The following ASCC3 variants were observed in gnomAD, a reference collection of about 807,000 sequenced individuals.
ASCC3 encodes the protein activating signal cointegrator 1 complex subunit 3, also known as ASC-1 complex subunit P200.
ASCC3 carries 158 observed loss-of-function variants against 256.3 expected under a neutral mutation model. The ratio of observed to expected loss-of-function variants is 0.62; its 90% CI spans 0.54 to 0.70. The LOEUF is 0.70. ASCC3 is among the 30% of genes least tolerant of loss of function. ASCC3 has a pLI of 0.00. For missense variants in ASCC3, 2,259 were observed against 2,626.0 expected (o/e 0.86, Z 3.05); for synonymous variants, 948 against 883.4 (o/e 1.07, Z -1.30).
intron 4 of ASCC3, among the ~76,000 whole-genome samples, chr6:100,846,227 C>T (rs540183026): frequency 1.3e-5 from 2 of 152,236 alleles, no homozygotes; most frequent in East Asian, 1.9e-4. Context: ...TTGTAGAAAA[C>T]TCCTGAAGTA....
intron 4 of ASCC3, among the ~76,000 whole-genome samples, chr6:100,815,402 T>TAA (rs373350935): frequency 6.9e-6 from 1 of 144,854 alleles, no homozygotes. Flanking sequence ...TTCATAGAAC[T>TAA]AAAAAAAAAA....
chr6:100,561,087 T>C (rs761260848), intron 36 of ASCC3, among the ~76,000 whole-genome samples: 4 of 151,262 alleles, frequency 2.6e-5, no homozygotes, highest in Non-Finnish European at 5.9e-5. Flanking sequence ...ACTGATACAT[T>C]GATGTGGTGG....
At chr6:100,654,532 G>T (rs950528431) in intron 17 of ASCC3, among the ~76,000 whole-genome samples, 2 of 151,946 alleles carry the variant, frequency 1.3e-5, no homozygotes, top group African/African-American at 4.8e-5. Flanking sequence ...TAGTGCCACT[G>T]GGTCTTCTCA....
intron 4 of ASCC3, among the ~76,000 whole-genome samples, chr6:100,818,740 G>C (rs1425239557): frequency 9.9e-6 from 1 of 100,886 alleles, no homozygotes; most frequent in East Asian, 2.9e-4. Flanking sequence ...GGGCAGTTAG[G>C]CAAAAGCCAA....
At chr6:100,825,867 G>A (rs145491868) in intron 4 of ASCC3, among the ~76,000 whole-genome samples, 2,196 of 151,418 alleles carry the variant, frequency 0.015, 47 homozygotes, top group African/African-American at 0.051. Flanking sequence ...TTCAATCTCT[G>A]ATATTCTTTC....
At chr6:100,752,719 C>T (rs1780994920) in intron 10 of ASCC3, among the ~76,000 whole-genome samples, 1 of 152,030 alleles carries the variant, frequency 6.6e-6, no homozygotes, top group Non-Finnish European at 1.5e-5. Context: ...CCCAAAACCA[C>T]TGTATATATT....
chr6:100,601,889 C>T lies in ASCC3; in HGVS notation c.5224G>A (p.Gly1742Ser). The T allele has an allele frequency of 6.2e-7, 1 of 1,612,560 alleles. No homozygotes were observed. Among genetic ancestry groups the T allele is most frequent in the Non-Finnish European group, 8.5e-7 (1 of 1,178,922 alleles). ...GCATCTTGCTTAGATGTAATTGTAC[C>T]ACCAGCAATCTCTGCATTTAAGTGG... ...SDHLNAEIAG[G>S]TITSKQDALD... Residue 1742 changes from glycine to serine, a missense_variant, in exon 34 of 42, where the codon GGT becomes AGT. Coordinates refer to ENST00000369162, the MANE Select transcript of ASCC3 (RefSeq NM_006828.4).
At chr6:100,515,624 T>C (rs1023327140) in intron 39 of ASCC3, among the ~76,000 whole-genome samples, 23 of 152,192 alleles carry the variant, frequency 1.5e-4, no homozygotes, top group African/African-American at 5.1e-4. Flanking sequence ...TAGCTTTCTA[T>C]GTAAGTTATA....
chr6:100,823,664 C>A (rs1251846942), intron 4 of ASCC3, among the ~76,000 whole-genome samples: 1 of 151,982 alleles, frequency 6.6e-6, no homozygotes, highest in Non-Finnish European at 1.5e-5. Context: ...AGTAGTTTTT[C>A]ATAAAATTCA....
chr6:100,668,213 T>C (rs149621106), intron 14 of ASCC3, among the ~76,000 whole-genome samples: 2 of 152,102 alleles, frequency 1.3e-5, no homozygotes, highest in African/African-American at 4.8e-5. Context: ...AGTAAAATAA[T>C]CTGTATAGCT....
intron 10 of ASCC3, among the ~76,000 whole-genome samples, chr6:100,741,165 T>C (rs1158881367): frequency 6.6e-6 from 1 of 152,206 alleles, no homozygotes; most frequent in Non-Finnish European, 1.5e-5. Context: ...GATAGGAAAT[T>C]ATGGGTTGGA....
intron 35 of ASCC3, 90 bp from the exon 36 acceptor site, chr6:100,589,858 T>C: frequency 6.9e-6 from 11 of 1,593,058 alleles, no homozygotes; most frequent in Non-Finnish European, 9.4e-6. Flanking sequence ...TGAAACAATT[T>C]TTTAAAAAAT....
chr6:100,714,899 T>C (rs1044663831), intron 13 of ASCC3, among the ~76,000 whole-genome samples: 2 of 151,992 alleles, frequency 1.3e-5, no homozygotes, highest in Non-Finnish European at 2.9e-5. Flanking sequence ...GAAAAAAAGG[T>C]TTCACTACTC....
At chr6:100,790,904 T>A (rs1314695834) in intron 8 of ASCC3, among the ~76,000 whole-genome samples, 1 of 151,906 alleles carries the variant, frequency 6.6e-6, no homozygotes, top group Non-Finnish European at 1.5e-5. Context: ...CAGTAGACTA[T>A]ACGGTACTGC....
intron 13 of ASCC3, among the ~76,000 whole-genome samples, chr6:100,686,280 T>C (rs370757): frequency 0.5 from 76,302 of 151,986 alleles, 19,462 homozygotes; most frequent in East Asian, 0.73. Context: ...CCTTATAATA[T>C]ACTGTATTAA....
intron 36 of ASCC3, among the ~76,000 whole-genome samples, chr6:100,563,423 T>C (rs957527247): frequency 2.0e-5 from 3 of 152,194 alleles, no homozygotes; most frequent in Non-Finnish European, 2.9e-5. Flanking sequence ...GTTATACGAT[T>C]CACCTCCTAC....
intron 30 of ASCC3, 87 bp downstream of exon 30, chr6:100,625,105 C>G (rs1774159231): frequency 6.6e-7 from 1 of 1,505,748 alleles, no homozygotes. Context: ...TCTTCTTTCC[C>G]TATAATACAA....
intron 8 of ASCC3, among the ~76,000 whole-genome samples, chr6:100,778,862 C>A (rs1020676132): frequency 1.3e-5 from 2 of 151,858 alleles, no homozygotes; most frequent in African/African-American, 4.8e-5. Flanking sequence ...ATTTGAGAAA[C>A]GTTTGGCTAT....
chr6:100,560,789 A>G (rs970072205), intron 36 of ASCC3, among the ~76,000 whole-genome samples: 6 of 150,600 alleles, frequency 4.0e-5, no homozygotes, highest in African/African-American at 7.4e-5. Context: ...ACACACACAC[A>G]CACGCACACA....
Sources: allele counts gnomAD v4.1 joint callset (sites outside exome capture counted in the v4.1 genomes callset), GRCh38; gene constraint gnomAD v4.1.1; transcripts MANE v1.5; gene names NCBI Gene and HGNC (gene_info 2026-07-23, HGNC 2026-07-21).